RAB5B: variants seen among roughly 807,000 people sequenced by gnomAD.
The protein encoded by RAB5B is ras-related protein Rab-5B.
Under a neutral mutation model 28.6 loss-of-function variants are expected in RAB5B, and 11 were observed. The ratio of observed to expected loss-of-function variants is 0.38; its 90% CI spans 0.24 to 0.64. RAB5B has a LOEUF of 0.64. RAB5B is among the 30% of genes least tolerant of loss of function. The probability of loss-of-function intolerance (pLI) is 0.53; values close to 1 mark genes in which losing one functional copy is unlikely to be tolerated. For missense variants in RAB5B, 169 were observed against 265.6 expected (o/e 0.64, Z 2.53); for synonymous variants, 93 against 97.9 (o/e 0.95, Z 0.29).
At chr12:55,983,646 T>TA (rs1391914196) in intron 1 of RAB5B, among the ~76,000 whole-genome samples, 3 of 149,180 alleles carry the variant, frequency 2.0e-5, no homozygotes, top group African/African-American at 7.5e-5. Context: ...ACCCTTTAGT[T>TA]ATGTCTCCTT....
chr12:55,982,258 AAAAT>A (rs1889830018), intron 1 of RAB5B, among the ~76,000 whole-genome samples: 1 of 152,138 alleles, frequency 6.6e-6, no homozygotes, highest in African/African-American at 2.4e-5. Flanking sequence ...AAAAAAAAAA[AAAAT>A]TAGTATTTTT....
intron 3 of RAB5B, among the ~76,000 whole-genome samples, chr12:55,990,456 T>G (rs1425940933): frequency 2.0e-5 from 3 of 151,384 alleles, no homozygotes; most frequent in East Asian, 3.9e-4. Context: ...GAGGAGTTAG[T>G]TTGGGGCAGG....
At chr12:55,980,613 G>A (rs1592795410) in intron 1 of RAB5B, 19 of 1,599,822 alleles carry the variant, frequency 1.2e-5, no homozygotes, top group African/African-American at 2.7e-5. Flanking sequence ...CCATGCTCTC[G>A]AGCCAACTTA....
intron 1 of RAB5B, among the ~76,000 whole-genome samples, chr12:55,982,218 A>G (rs927928774): frequency 1.3e-5 from 2 of 151,152 alleles, no homozygotes; most frequent in South Asian, 2.1e-4. Flanking sequence ...GAAGGTAATA[A>G]TCATCATACC....
Position 55,996,003 on chromosome 12 carries a change from A to ATATATTTTTTTTTT in RAB5B, c.*3792_*3793insATATTTTTTTTTTT. 15 of 97,400 alleles carry ATATATTTTTTTTTT rather than the reference A, an allele frequency of 1.5e-4. No individual in the cohort carries two copies. Among genetic ancestry groups the ATATATTTTTTTTTT allele is most frequent in the Non-Finnish European group, 2.4e-4 (12 of 50,474 alleles). 6.0% of individuals were successfully genotyped at this position (97,400 alleles called of 1,614,324 possible). A position where few individuals can be genotyped will look rare whatever the true frequency, so the allele number is the denominator to read the frequency against. ...TATATACATATATATATATATATAT[A>ATATATTTTTTTTTT]TTTTTTTTTTAACAACTGGTAGGAT... On this transcript the variant is annotated 3_prime_UTR_variant, in exon 6 of 6. Coordinates refer to ENST00000360299, the MANE Select transcript of RAB5B (RefSeq NM_002868.4).
chr12:55,973,950 C>T (rs77494178), upstream of RAB5B: 2 of 152,314 alleles, frequency 1.3e-5, no homozygotes, highest in African/African-American at 2.4e-5. Context: ...AAGAGACTCG[C>T]CTTTCTCCAG....
intron 1 of RAB5B, chr12:55,980,537 G>C: frequency 6.3e-7 from 1 of 1,587,762 alleles, no homozygotes. Flanking sequence ...GATGTCCCGG[G>C]CCAGGGAACT....
rs34061457 is a variant in RAB5B at position 55,995,972 on chromosome 12, C to CATATATATATATAT, written c.*3771_*3772insTATATATATATATA. The CATATATATATATAT allele has an allele frequency of 8.3e-5, 9 of 108,884 alleles. No individual in the cohort carries two copies. The highest frequency in any genetic ancestry group is 2.3e-4 in the East Asian group (1 of 4,414). 6.7% of individuals were successfully genotyped at this position (108,884 alleles called of 1,614,324 possible). On this transcript the variant is annotated 3_prime_UTR_variant, in exon 6 of 6. Transcript: ENST00000360299. The stretch of plus-strand genomic sequence containing the variant: ...CTCTCTCTCTCACTCTCTCTCTCTC[C>CATATATATATATAT]ATATATATATACATATATATATATA...
chr12:55,992,059 G>A (rs1242393926), intron 5 of RAB5B, 38 bp from the exon 6 acceptor site: 1 of 1,552,878 alleles, frequency 6.4e-7, no homozygotes, highest in Non-Finnish European at 8.9e-7. Flanking sequence ...GGGAAGTAAA[G>A]TCTACCATAC....
Position 55,994,629 on chromosome 12 carries a change from A to G in RAB5B, c.*2417A>G, listed in dbSNP as rs1890235095. 6.6e-6 allele frequency: 1 copy of G among 152,556 alleles called. No individual in the cohort carries two copies. Among genetic ancestry groups the G allele is most frequent in the East Asian group, 1.9e-4 (1 of 5,206 alleles). 9.5% of individuals were successfully genotyped at this position (152,556 alleles called of 1,614,324 possible). A position where few individuals can be genotyped will look rare whatever the true frequency, so the allele number is the denominator to read the frequency against. On this transcript the variant is annotated 3_prime_UTR_variant, in exon 6 of 6. Transcript: ENST00000360299. ...CATTTGCCTTTCTTCCTCTCCCAAC[A>G]TAACAATCGTGGTAACAGAATGCGA... is the stretch of plus-strand genomic sequence containing the variant.
At chr12:55,981,097 T>A (rs1488241771) in intron 1 of RAB5B, 28 of 1,443,288 alleles carry the variant, frequency 1.9e-5, no homozygotes, top group Non-Finnish European at 2.7e-5. Context: ...ACGGAATCGC[T>A]CTGTTGTCCA....
chr12:55,980,359 C>T (rs1592795117), intron 1 of RAB5B: 1 of 1,304,616 alleles, frequency 7.7e-7, no homozygotes. Flanking sequence ...CTCCCCTGCT[C>T]ACTCCCTCTG....
At chr12:55,978,292 G>T (rs912291659) in intron 1 of RAB5B, among the ~76,000 whole-genome samples, 2 of 152,200 alleles carry the variant, frequency 1.3e-5, no homozygotes, top group African/African-American at 4.8e-5. Flanking sequence ...GAGGTCAGGA[G>T]ATTGAGACCA....
In RAB5B at chr12:55,996,003, A is replaced by ATATATATATATATATATTTT; in HGVS notation, c.*3792_*3793insATATATATATATATATTTTT. The ATATATATATATATATATTTT allele has an allele frequency of 8.3e-4, 81 of 97,340 alleles. No homozygotes were observed. The highest frequency in any genetic ancestry group is 1.2e-3 in the Non-Finnish European group (59 of 50,440). The allele number at this position is 97,340 out of a possible 1,614,324, so 6.0% of individuals were successfully genotyped here. A position where few individuals can be genotyped will look rare whatever the true frequency, so the allele number is the denominator to read the frequency against. On this transcript the variant is annotated 3_prime_UTR_variant, in exon 6 of 6. Transcript: ENST00000360299. ...TATATACATATATATATATATATAT[A>ATATATATATATATATATTTT]TTTTTTTTTTAACAACTGGTAGGAT...
chr12:55,988,802 C>T lies in RAB5B; in HGVS notation c.164-1145C>T, dbSNP rs183775905. Among the ~76,000 whole-genome samples, 26 of 152,040 alleles carry T rather than the reference C, an allele frequency of 1.7e-4. No homozygotes were observed. In the East Asian group the frequency reaches 4.7e-3, roughly 27 times the overall value. On this transcript the variant is annotated intron_variant, in intron 2 of 5. Transcript: ENST00000360299. ...ACAAGCATGAGCCACCGTGCCTGGC[C>T]TCTTTCCCCTTTTTATTAGTCATCT...
chr12:55,996,211 A>G lies in RAB5B; in HGVS notation c.*3999A>G, dbSNP rs1890302765. 1 of 150,652 alleles carries G rather than the reference A, an allele frequency of 6.6e-6. No homozygotes were observed. The highest frequency in any genetic ancestry group is 2.5e-5 in the African/African-American group (1 of 40,776). The allele number at this position is 150,652 out of a possible 1,614,324, so 9.3% of individuals were successfully genotyped here. On this transcript the variant is annotated 3_prime_UTR_variant, in exon 6 of 6. Transcript: ENST00000360299. ...TTCCTGGTAAAAGCTCTAGTTGGAGAGCCGAAAGGAAAGGAAATGATCTTT... is the reference window on the plus strand; with the variant it reads ...TTCCTGGTAAAAGCTCTAGTTGGAGGGCCGAAAGGAAAGGAAATGATCTTT...
rs1890171772 is a variant in RAB5B, at chr12:55,992,695, G to A, written c.*483G>A. The stretch of plus-strand genomic sequence containing the variant: ...GAGGTTTCCAGTTCATTTACATTAA[G>A]GGCCCTGGGGGAGAATAAAGCTCAG... On this transcript the variant is annotated 3_prime_UTR_variant, in exon 6 of 6. Coordinates refer to ENST00000360299, the MANE Select transcript of RAB5B (RefSeq NM_002868.4). 3 of 375,106 alleles carry A rather than the reference G, an allele frequency of 8.0e-6. No homozygotes were observed. The highest frequency in any genetic ancestry group is 6.2e-5 in the South Asian group (3 of 48,454). 23.2% of individuals were successfully genotyped at this position (375,106 alleles called of 1,614,324 possible).
At chr12:55,988,795 G>A (rs894430195) in intron 2 of RAB5B, among the ~76,000 whole-genome samples, 1 of 151,812 alleles carries the variant, frequency 6.6e-6, no homozygotes, top group African/African-American at 2.4e-5. Flanking sequence ...GAGCCACCGT[G>A]CCTGGCCTCT....
intron 1 of RAB5B, among the ~76,000 whole-genome samples, chr12:55,977,754 C>T (rs1889686549): frequency 6.6e-6 from 1 of 152,180 alleles, no homozygotes; most frequent in South Asian, 2.1e-4. Context: ...AAGATTTAGC[C>T]ATTGACTCAA....
Sources: gnomAD v4.1 joint callset for allele counts (sites outside exome capture counted in the v4.1 genomes callset) on GRCh38, gnomAD v4.1.1 for gene constraint, MANE v1.5 for transcripts, NCBI Gene and HGNC (gene_info 2026-07-23, HGNC 2026-07-21) for gene names.